Variants in LRFN2 observed in about 807,000 individuals in gnomAD.
LRFN2 encodes the protein leucine rich repeat and fibronectin type III domain containing 2.
LRFN2 carries 18 observed loss-of-function variants against 37.3 expected under a neutral mutation model. The ratio of observed to expected loss-of-function variants is 0.48; its 90% confidence interval spans 0.33 to 0.72. The LOEUF is 0.72. LRFN2 is among the 30% of genes least tolerant of loss of function. LRFN2 has a pLI of 0.02. For missense variants in LRFN2, 1,006 were observed against 1,060.7 expected (o/e 0.95, Z 0.72); for synonymous variants, 556 against 466.6 (o/e 1.19, Z -2.47).
In LRFN2 at chr6:40,432,142, G is replaced by C; in HGVS notation, c.972C>G (p.Ala324=). 1 of 1,613,884 alleles carries C rather than the reference G, an allele frequency of 6.2e-7. No individual in the cohort carries two copies. The highest frequency in any genetic ancestry group is 8.5e-7 in the Non-Finnish European group (1 of 1,180,014). The change falls in exon 2 of 3, where the codon GCC becomes GCG. Residue 324 remains alanine (A), a synonymous_variant. Transcript: ENST00000338305. ...GDPSPLIHWV[A]PDDRLVGNSS... ...AGTTCCCTACCAGGCGGTCATCGGG[G>C]GCTACCCAGTGGATAAGGGGGCTGG...
intron 2 of LRFN2, among the ~76,000 whole-genome samples, chr6:40,430,882 G>A (rs1467116721): frequency 6.6e-6 from 1 of 152,150 alleles, no homozygotes; most frequent in African/African-American, 2.4e-5. Flanking sequence ...TCCCTCTAGG[G>A]CTCTAAGTAG....
At chr6:40,443,799 C>T (rs554199621) in intron 1 of LRFN2, among the ~76,000 whole-genome samples, 2 of 152,240 alleles carry the variant, frequency 1.3e-5, no homozygotes, top group South Asian at 4.2e-4. Context: ...TGGCATAGCA[C>T]CCAGTGGGTG....
At chr6:40,531,830 C>T (rs1272218502) in intron 1 of LRFN2, among the ~76,000 whole-genome samples, 3 of 152,144 alleles carry the variant, frequency 2.0e-5, no homozygotes, top group African/African-American at 4.8e-5. Context: ...CCACTGTTCC[C>T]TATTCTATCA....
At chr6:40,515,093 A>G (rs1386151422) in intron 1 of LRFN2, among the ~76,000 whole-genome samples, 2 of 152,182 alleles carry the variant, frequency 1.3e-5, no homozygotes, top group Non-Finnish European at 2.9e-5. Context: ...TATTTTTGGC[A>G]TGCTTTAGTG....
chr6:40,459,737 G>A (rs1384548622), intron 1 of LRFN2, among the ~76,000 whole-genome samples: 1 of 152,220 alleles, frequency 6.6e-6, no homozygotes, highest in East Asian at 1.9e-4. Context: ...TGTGCCTTCT[G>A]GATGGGTTGG....
At chr6:40,566,272 T>C (rs1442584020) in intron 1 of LRFN2, among the ~76,000 whole-genome samples, 2 of 152,266 alleles carry the variant, frequency 1.3e-5, no homozygotes, top group Non-Finnish European at 2.9e-5. Flanking sequence ...AGGAACAGTT[T>C]TACACTGTTG....
chr6:40,575,125 C>T (rs1036076984), intron 1 of LRFN2, among the ~76,000 whole-genome samples: 1 of 152,136 alleles, frequency 6.6e-6, no homozygotes, highest in Non-Finnish European at 1.5e-5. Flanking sequence ...TCACCCCTCC[C>T]AACTCCTGCT....
chr6:40,566,434 C>T (rs1581797686), intron 1 of LRFN2, among the ~76,000 whole-genome samples: 2 of 152,278 alleles, frequency 1.3e-5, no homozygotes, highest in East Asian at 1.9e-4. Flanking sequence ...CACATGCACA[C>T]GTATGTTTAT....
chr6:40,435,617 C>A (rs1763650344), intron 1 of LRFN2, among the ~76,000 whole-genome samples: 1 of 152,098 alleles, frequency 6.6e-6, no homozygotes, highest in South Asian at 2.1e-4. Context: ...CAGCTCACTG[C>A]AACCTCTGCC....
At chr6:40,448,001 G>A (rs1430213015) in intron 1 of LRFN2, among the ~76,000 whole-genome samples, 2 of 152,204 alleles carry the variant, frequency 1.3e-5, no homozygotes, top group Non-Finnish European at 2.9e-5. Context: ...AAAGAATGGG[G>A]AGCATGCCCT....
At chr6:40,509,137 C>T (rs752462535) in intron 1 of LRFN2, among the ~76,000 whole-genome samples, 5 of 152,240 alleles carry the variant, frequency 3.3e-5, no homozygotes, top group Non-Finnish European at 7.3e-5. Context: ...ACAAAACAGG[C>T]TCTCTCTTTC....
At chr6:40,398,205 C>T (rs368184599) in intron 2 of LRFN2, among the ~76,000 whole-genome samples, 1 of 151,760 alleles carries the variant, frequency 6.6e-6, no homozygotes, top group South Asian at 2.1e-4. Flanking sequence ...CTGGGCTCCA[C>T]CCACCAGATG....
At chr6:40,517,369 G>A (rs1257674810) in intron 1 of LRFN2, 6 of 152,216 alleles carry the variant, frequency 3.9e-5, no homozygotes. Context: ...GCAAGACACA[G>A]AAGGCACAAG....
chr6:40,559,366 T>C (rs556183076), intron 1 of LRFN2, among the ~76,000 whole-genome samples: 2 of 152,290 alleles, frequency 1.3e-5, no homozygotes, highest in South Asian at 4.1e-4. Context: ...GAATTTAGTT[T>C]ATGACTCCTG....
chr6:40,403,982 C>T (rs543655478), intron 2 of LRFN2, among the ~76,000 whole-genome samples: 3 of 152,310 alleles, frequency 2.0e-5, no homozygotes, highest in Non-Finnish European at 1.5e-5. Context: ...AATCCTGCCT[C>T]AGGACTTTTG....
chr6:40,563,428 A>T (rs1276589745), intron 1 of LRFN2, among the ~76,000 whole-genome samples: 1 of 152,166 alleles, frequency 6.6e-6, no homozygotes, highest in Admixed American at 6.5e-5. Flanking sequence ...AGGGAGCAGC[A>T]GCTGCCAGGG....
chr6:40,508,576 A>G (rs1276567520), intron 1 of LRFN2, among the ~76,000 whole-genome samples: 2 of 152,162 alleles, frequency 1.3e-5, no homozygotes, highest in South Asian at 2.1e-4. Context: ...TCTACTGCAT[A>G]CTAGTGGGTC....
At chr6:40,550,116 G>C (rs1483829845) in intron 1 of LRFN2, among the ~76,000 whole-genome samples, 4 of 152,160 alleles carry the variant, frequency 2.6e-5, no homozygotes, top group Non-Finnish European at 4.4e-5. Flanking sequence ...TTGTGAGGGT[G>C]CAGCTGCGGC....
At chr6:40,532,113 A>C (rs1362539589) in intron 1 of LRFN2, among the ~76,000 whole-genome samples, 1 of 152,220 alleles carries the variant, frequency 6.6e-6, no homozygotes, top group Non-Finnish European at 1.5e-5. Flanking sequence ...GGACATCTGC[A>C]CAGCACACAG....
Sources: gnomAD v4.1 joint callset for allele counts (sites outside exome capture counted in the v4.1 genomes callset) on GRCh38, gnomAD v4.1.1 for gene constraint, MANE v1.5 for transcripts, NCBI Gene and HGNC (gene_info 2026-07-23, HGNC 2026-07-21) for gene names.